The following TMPRSS3 variants were observed in gnomAD, a reference collection of about 807,000 sequenced individuals.
TMPRSS3 encodes transmembrane serine protease 3.
TMPRSS3 carries 55 observed loss-of-function variants against 59.6 expected under a neutral mutation model. That is an observed-to-expected ratio of 0.92 (90% CI 0.74 to 1.16). TMPRSS3 has a LOEUF of 1.16. Among genes scored for constraint, TMPRSS3 ranks in the 50% most tolerant of loss-of-function variants. TMPRSS3 has a pLI of 0.00. For missense variants in TMPRSS3, 596 were observed against 579.4 expected (o/e 1.03, Z -0.29); for synonymous variants, 257 against 237.7 (o/e 1.08, Z -0.75).
At position 42,382,082 on chromosome 21, in the gene TMPRSS3, C is replaced by A. The variant is rs566876247; in HGVS notation, c.935G>T (p.Gly312Val). ...GNDIALMKLA[G>V]PLTFNEMIQP... Reference sequence around the variant, plus strand: ...AGATGTACCATTGAACGTGAGTGGCCCGGCCAGCTTCATAAGGGCGATGTC... The same window carrying A: ...AGATGTACCATTGAACGTGAGTGGCACGGCCAGCTTCATAAGGGCGATGTC... Residue 312 changes from glycine to valine, a missense_variant, in exon 9 of 13, where the codon GGG becomes GTG. Transcript: ENST00000644384. The A allele has an allele frequency of 1.1e-5, 17 of 1,614,022 alleles. No homozygotes were observed. The highest frequency in any genetic ancestry group is 1.4e-5 in the Non-Finnish European group (17 of 1,180,032).
At chr21:42,390,498 C>A (rs1026339354) in intron 2 of TMPRSS3, 5 of 197,070 alleles carry the variant, frequency 2.5e-5, no homozygotes, top group Admixed American at 2.1e-4. Context: ...GAAGCCAAAG[C>A]GGGTGGATCA....
In TMPRSS3 at chr21:42,378,093, TG is replaced by T. The variant is rs199925242; in HGVS notation, c.1049-1411del. Among the ~76,000 whole-genome samples, 456 of 152,334 alleles carry T rather than the reference TG, an allele frequency of 3.0e-3. 10 individuals carry two copies. The East Asian group carries it at 0.032, about 11-fold the overall frequency. On this transcript the variant is annotated intron_variant, in intron 10 of 12. Coordinates refer to ENST00000644384, the MANE Select transcript of TMPRSS3 (RefSeq NM_001256317.3). ...AGCTCCCACCACACACCAGGGGTGCTGGTTCTGATGAAGCTAGAAAGGCCCT... is the reference window on the plus strand; with the variant it reads ...AGCTCCCACCACACACCAGGGGTGCTGTTCTGATGAAGCTAGAAAGGCCCT...
chr21:42,379,836 G>A (rs952639340), intron 10 of TMPRSS3, among the ~76,000 whole-genome samples: 4 of 152,132 alleles, frequency 2.6e-5, no homozygotes, highest in East Asian at 3.8e-4. Context: ...TAACAAGGCC[G>A]GGGGTCCGGG....
rs1395413035 is a variant in TMPRSS3, at chr21:42,383,156, C to T, written c.659G>A (p.Gly220Glu). ...CCACTGCGAGAGCAAGGACATGTTTCCACCCACGATGCGTGAGCTGTAGCC... is the reference window on the plus strand; with the variant it reads ...CCACTGCGAGAGCAAGGACATGTTTTCACCCACGATGCGTGAGCTGTAGCC... ...RRGYSSRIVG[G>E]NMSLLSQWPW... is the part of the protein sequence containing the mutation. Residue 220 changes from glycine (G) to glutamate (E), a missense_variant, in exon 8 of 13, where the codon GGA becomes GAA. By Grantham distance (98) the Gly-to-Glu change is moderately conservative (BLOSUM62 -2). Transcript: ENST00000644384. The T allele has an allele frequency of 6.2e-7, 1 of 1,614,198 alleles. No homozygotes were observed. Among genetic ancestry groups the T allele is most frequent in the East Asian group, 2.2e-5 (1 of 44,874 alleles).
chr21:42,380,643 C>T (rs777105062), intron 9 of TMPRSS3, among the ~76,000 whole-genome samples: 54 of 152,246 alleles, frequency 3.5e-4, no homozygotes, highest in Non-Finnish European at 6.8e-4. Context: ...CAGGCCAACG[C>T]GTGCCCACTC....
intron 5 of TMPRSS3, among the ~76,000 whole-genome samples, chr21:42,386,659 A>G (rs1376073457): frequency 6.6e-6 from 1 of 152,226 alleles, no homozygotes; most frequent in Non-Finnish European, 1.5e-5. Context: ...CCCTCCAAGT[A>G]CGTGCTATTA....
chr21:42,391,502 TG>T lies in TMPRSS3; in HGVS notation c.95-1466del, dbSNP rs372163287. 5.1e-3 allele frequency among the ~76,000 whole-genome samples: 776 copies of T among 152,378 alleles called. 8 individuals carry two copies. The highest frequency in any genetic ancestry group is 0.018 in the African/African-American group (744 of 41,586). On this transcript the variant is annotated intron_variant, in intron 2 of 12. Coordinates refer to ENST00000644384, the MANE Select transcript of TMPRSS3 (RefSeq NM_001256317.3). ...CAGAGCAAGAGGCAGGTTTGTTTAC[TG>T]TCCAGTTTAACAAATATAATGCCTT... is the stretch of plus-strand genomic sequence containing the variant.
At chr21:42,375,462 G>A (rs1051651110) in intron 12 of TMPRSS3, among the ~76,000 whole-genome samples, 10 of 150,574 alleles carry the variant, frequency 6.6e-5, no homozygotes, top group Non-Finnish European at 1.2e-4. Context: ...TTCCCATGTC[G>A]TGAGGCTCCT....
intron 7 of TMPRSS3, 84 bp downstream of exon 7, chr21:42,383,885 TG>T: frequency 7.0e-7 from 1 of 1,427,852 alleles, no homozygotes. Flanking sequence ...CAGAGCCCCA[TG>T]GGGGGAGAGG....
chr21:42,390,951 C>T (rs1313640333), intron 2 of TMPRSS3, among the ~76,000 whole-genome samples: 1 of 152,094 alleles, frequency 6.6e-6, no homozygotes, highest in Admixed American at 6.5e-5. Flanking sequence ...GGAGTATGGC[C>T]TTGATGACAC....
At chr21:42,382,853 AC>A in intron 8 of TMPRSS3, 179 bp downstream of exon 8, 1 of 727,310 alleles carries the variant, frequency 1.4e-6, no homozygotes. Context: ...GTCACAAGTT[AC>A]CCCCAGCTGA....
At chr21:42,375,973 C>A (rs767953432) in intron 11 of TMPRSS3, 105 bp from the exon 12 acceptor site, 42 of 1,480,494 alleles carry the variant, frequency 2.8e-5, no homozygotes, top group Non-Finnish European at 3.8e-5. Flanking sequence ...GGAGTTGGGA[C>A]CCCCCTTCAT....
rs373058706 is a variant in TMPRSS3 at position 42,388,941 on chromosome 21, C to T, written c.310G>A (p.Glu104Lys). The change falls in exon 4 of 13, where the codon GAG (glutamate) becomes AAG (lysine). Residue 104 changes from glutamate to lysine, a missense_variant. Transcript: ENST00000644384. This position sits in a 1 kb window ranked among gnomAD's most constrained non-coding sequence, Gnocchi z 5.1. ...GCCATGACCTTACCACAGCGGTACT[C>T]GTCCTCCCCGTCTTTGCAATCCGAG... is the stretch of plus-strand genomic sequence containing the variant. ...GVSDCKDGEDEYRCVRVGGQN... is the reference protein window; with the variant it reads ...GVSDCKDGEDKYRCVRVGGQN... The T allele has an allele frequency of 1.4e-5, 22 of 1,613,852 alleles. No homozygotes were observed. The highest frequency in any genetic ancestry group is 1.7e-4 in the Middle Eastern group (1 of 6,028).
Position 42,382,349 on chromosome 21 carries a change from T to C in TMPRSS3, c.783-115A>G, listed in dbSNP as rs1601522743. 3 of 924,522 alleles carry C rather than the reference T, an allele frequency of 3.2e-6. No individual in the cohort carries two copies. In the East Asian group the frequency reaches 7.8e-5, roughly 24 times the overall value. The allele number at this position is 924,522 out of a possible 1,614,324, so 57.3% of individuals were successfully genotyped here. A position where few individuals can be genotyped will look rare whatever the true frequency, so the allele number is the denominator to read the frequency against. ...GTGGGAGAGGTTATCAGGCAAGATG[T>C]GGTCCCATCACCCTGCTTGTTTATG... On this transcript the variant is annotated intron_variant, in intron 8 of 12. Transcript: ENST00000644384.
rs2052559540 is a variant in TMPRSS3 at position 42,383,018 on chromosome 21, G to T, written c.782+15C>A. 6.2e-7 allele frequency: 1 copy of T among 1,613,840 alleles called. No individual in the cohort carries two copies. Among genetic ancestry groups the T allele is most frequent in the Non-Finnish European group, 8.5e-7 (1 of 1,180,018 alleles). ...GAGTGAACAGGGGTCTGGGAAGATG[G>T]TCAGCAGCACTCACTCATAAACACA... On this transcript the variant is annotated intron_variant, in intron 8 of 12. Transcript: ENST00000644384.
At chr21:42,387,663 C>T (rs1283717671) in intron 5 of TMPRSS3, among the ~76,000 whole-genome samples, 1 of 152,088 alleles carries the variant, frequency 6.6e-6, no homozygotes, top group East Asian at 1.9e-4. Flanking sequence ...GCTTTAACGA[C>T]CCCATCTACT....
intron 2 of TMPRSS3, among the ~76,000 whole-genome samples, chr21:42,393,239 C>G (rs928683404): frequency 1.8e-5 from 2 of 112,934 alleles, no homozygotes; most frequent in Admixed American, 1.9e-4. Context: ...AGCGAGACCT[C>G]GTCTCAAGAA....
At chr21:42,382,954 T>C in intron 8 of TMPRSS3, 79 bp downstream of exon 8, 1 of 1,580,332 alleles carries the variant, frequency 6.3e-7, no homozygotes, top group Non-Finnish European at 8.6e-7. Context: ...TGGACCCGCT[T>C]CTCACCACCC....
At chr21:42,380,292 T>G (rs1483227119) in intron 9 of TMPRSS3, 80 bp from the exon 10 acceptor site, 2 of 1,177,658 alleles carry the variant, frequency 1.7e-6, no homozygotes, top group Non-Finnish European at 2.5e-6. Context: ...CTTCTGCCTC[T>G]GAGGAGCCCA....
Sources: gnomAD v4.1 joint callset for allele counts (sites outside exome capture counted in the v4.1 genomes callset) on GRCh38, gnomAD v4.1.1 for gene constraint, Gnocchi (gnomAD v3.1) non-coding constraint, MANE v1.5 for transcripts, NCBI Gene and HGNC (gene_info 2026-07-23, HGNC 2026-07-21) for gene names.